Variants in TTN observed in about 807,000 individuals in gnomAD.
TTN encodes the protein connectin.
A neutral mutation model predicts 3,223.0 loss-of-function variants in TTN; 1,525 were observed. That is an observed-to-expected ratio of 0.47 (90% CI 0.45 to 0.49). TTN has a LOEUF of 0.49. Among genes scored for constraint, TTN ranks in the 20% least tolerant of loss-of-function variants. The pLI is 0.00. For missense variants in TTN, 40,786 were observed against 43,424.0 expected (o/e 0.94, Z 5.40); for synonymous variants, 14,094 against 15,161.0 (o/e 0.93, Z 5.17).
In TTN at chr2:178,732,670, C is replaced by T. The variant is rs377023302; in HGVS notation, c.16391G>A (p.Gly5464Asp). The T allele has an allele frequency of 1.9e-6, 3 of 1,606,966 alleles. No homozygotes were observed. The highest frequency in any genetic ancestry group is 2.6e-6 in the Non-Finnish European group (3 of 1,176,418). The part of the protein sequence containing the change: ...TKPGSKDVLP[G>D]SAVCLKSTFQ... Reference sequence around the variant, plus strand: ...AGTGCTCTTCAGGCAGACTGCTGAGCCAGGCAGAACATCCTTTGAGCCGGG... The same window carrying T: ...AGTGCTCTTCAGGCAGACTGCTGAGTCAGGCAGAACATCCTTTGAGCCGGG... Residue 5464 changes from glycine (G) to aspartate (D), a missense_variant, in exon 56 of 363, where the codon GGC becomes GAC. Transcript: ENST00000589042.
rs397517697 is a variant in TTN at position 178,572,020 on chromosome 2, A to T, written c.74112T>A (p.Ser24704Arg). ...EKGISDPRQL[S>R]VPVIAKDLVI... ...CAAGATCTTTGGCGATCACTGGCAC[A>T]CTCAGTTGTCTAGGATCACTGATGC... is the stretch of plus-strand genomic sequence containing the variant. Residue 24704 changes from serine (S) to arginine (R), a missense_variant, in exon 326 of 363, where the codon AGT becomes AGA. Ser to Arg is a moderately radical substitution (Grantham distance 110). Transcript: ENST00000589042. The T allele has an allele frequency of 6.2e-7, 1 of 1,613,092 alleles. No individual in the cohort carries two copies. Among genetic ancestry groups the T allele is most frequent in the African/African-American group, 1.3e-5 (1 of 74,850 alleles).
Position 178,576,055 on chromosome 2 carries a change from T to A in TTN, c.70077A>T (p.Gly23359=). The A allele has an allele frequency of 6.2e-7, 1 of 1,613,508 alleles. No individual in the cohort carries two copies. The highest frequency in any genetic ancestry group is 8.5e-7 in the Non-Finnish European group (1 of 1,179,606). Residue 23359 remains glycine (G), a synonymous_variant, in exon 326 of 363, where the codon GGA becomes GGT. Transcript: ENST00000589042. The surrounding 1 kb of genome is among the most constrained non-coding windows in gnomAD (Gnocchi z 4.3). The part of the protein sequence containing the change: ...ELRRTLVVRA[G]LSIRIFVPIK... The stretch of plus-strand genomic sequence containing the variant: ...TTGGCACAAATATCCTAATACTGAG[T>A]CCTGCTCTAACAACAAGTGTTCTTC...
chr2:178,590,494 G>A lies in TTN; in HGVS notation c.61231C>T (p.Gln20411Ter). Reference sequence around the variant, plus strand: ...TTCCATTGTGCTGTGCCAGGTTTCTGACATTCCACTACATATCCTAGAATG... The same window carrying A: ...TTCCATTGTGCTGTGCCAGGTTTCTAACATTCCACTACATATCCTAGAATG... ...SPILGYVVEC[Q>*]KPGTAQWNRI... Residue 20411 changes from glutamine (Q) to a stop codon, truncating the protein, a stop_gained, in exon 304 of 363, where the codon CAG (glutamine) becomes TAG (stop). Transcript: ENST00000589042. LOFTEE classifies it high-confidence loss of function. 1 of 1,613,044 alleles carries A rather than the reference G, an allele frequency of 6.2e-7. No homozygotes were observed. The highest frequency in any genetic ancestry group is 8.5e-7 in the Non-Finnish European group (1 of 1,179,410).
In TTN at chr2:178,616,946, C is replaced by T. The variant is rs751428690; in HGVS notation, c.47943G>A (p.Thr15981=). The change falls in exon 256 of 363, where the codon ACG becomes ACA. Residue 15981 remains threonine, a synonymous_variant. Transcript: ENST00000589042. ...GLEVIVPNPI[T]ILVPSTGYPR... ...GATAGCCTGTACTTGGAACCAGGAT[C>T]GTGATAGGATTTGGGACAATAACTT... 7 of 1,612,512 alleles carry T rather than the reference C, an allele frequency of 4.3e-6. No individual in the cohort carries two copies. In the South Asian group the frequency reaches 4.4e-5, roughly 10 times the overall value.
rs1419944623 is a variant in TTN at position 178,630,224 on chromosome 2, A to C, written c.44281+17T>G. 6.2e-7 allele frequency: 1 copy of C among 1,611,514 alleles called. No homozygotes were observed. Among genetic ancestry groups the C allele is most frequent in the South Asian group, 1.1e-5 (1 of 90,322 alleles). On this transcript the variant is annotated intron_variant, in intron 239 of 362. Transcript: ENST00000589042. ...AAAGTGTTTATTTAATTTCCCTGAA[A>C]AATATACAATACTTACGCTTAACTC...
chr2:178,658,090 A>C lies in TTN; in HGVS notation c.37779T>G (p.Ala12593=), dbSNP rs373173616. Residue 12593 remains alanine (A), a synonymous_variant, in exon 186 of 363, where the codon GCT becomes GCG. Coordinates refer to ENST00000589042, the MANE Select transcript of TTN (RefSeq NM_001267550.2). Reference sequence around the variant, plus strand: ...GCTAAAGTGTACCTGGGACAATCGGAGCTTCTGGTTTTTTGGGTGGAGCCA... The same window carrying C: ...GCTAAAGTGTACCTGGGACAATCGGCGCTTCTGGTTTTTTGGGTGGAGCCA... ...IPVAPPKKPE[A]PIVPVPEAQE... 2.4e-4 allele frequency: 383 copies of C among 1,572,552 alleles called. 24 individuals carry two copies. The highest frequency in any genetic ancestry group is 3.1e-4 in the Non-Finnish European group (365 of 1,172,132).
Position 178,555,032 on chromosome 2 carries a change from T to C in TTN, c.88427A>G (p.Lys29476Arg). ...GKPAPTIEWYKDDKELQTNAL... is the reference protein window; with the variant it reads ...GKPAPTIEWYRDDKELQTNAL... ...ATTGGTTTGTAATTCTTTATCATCTTTATACCACTCAATAGTAGGCGCAGG... is the reference window on the plus strand; with the variant it reads ...ATTGGTTTGTAATTCTTTATCATCTCTATACCACTCAATAGTAGGCGCAGG... Residue 29476 changes from lysine (K) to arginine (R), a missense_variant, in exon 331 of 363, where the codon AAA (lysine) becomes AGA (arginine). By Grantham distance (26) the Lys-to-Arg change is conservative. Coordinates refer to ENST00000589042, the MANE Select transcript of TTN (RefSeq NM_001267550.2). The C allele has an allele frequency of 6.2e-7, 1 of 1,613,756 alleles. No homozygotes were observed. Among genetic ancestry groups the C allele is most frequent in the Non-Finnish European group, 8.5e-7 (1 of 1,179,822 alleles).
chr2:178,629,474 T>C (rs1347519341), intron 239 of TTN, 31 bp from the exon 240 acceptor site: 1 of 1,611,084 alleles, frequency 6.2e-7, no homozygotes, highest in Non-Finnish European at 8.5e-7. Flanking sequence ...AGCTTTGCGT[T>C]ACTCATTTTG....
rs2078604960 is a variant in TTN, at chr2:178,722,640, A to G, written c.22240+19T>C. ...AGTTAAGGAAAAAAGAATTTTTTTA[A>G]TTTGTAAAATATCATCACCTTGAAT... On this transcript the variant is annotated intron_variant, in intron 76 of 362. Transcript: ENST00000589042. 6.3e-7 allele frequency: 1 copy of G among 1,591,244 alleles called. No individual in the cohort carries two copies. Among genetic ancestry groups the G allele is most frequent in the Non-Finnish European group, 8.5e-7 (1 of 1,170,934 alleles).
chr2:178,630,256 G>A lies in TTN; in HGVS notation c.44266C>T (p.His14756Tyr), dbSNP rs766470098. The A allele has an allele frequency of 6.2e-7, 1 of 1,612,978 alleles. No individual in the cohort carries two copies. Among genetic ancestry groups the A allele is most frequent in the Admixed American group, 1.7e-5 (1 of 59,946 alleles). ...FQAANVKSSA[H>Y]LRVKPRVIGL... ...CAATACTTACGCTTAACTCGGAGGTGGGCACTAGATTTAACATTGGCAGCT... is the reference window on the plus strand; with the variant it reads ...CAATACTTACGCTTAACTCGGAGGTAGGCACTAGATTTAACATTGGCAGCT... The change falls in exon 239 of 363, where the codon CAC becomes TAC. Residue 14756 changes from histidine (H) to tyrosine (Y), a missense_variant. Coordinates refer to ENST00000589042, the MANE Select transcript of TTN (RefSeq NM_001267550.2).
Position 178,616,306 on chromosome 2 carries a change from T to C in TTN, c.48312+173A>G, listed in dbSNP as rs1429095. On this transcript the variant is annotated intron_variant, in intron 257 of 362. Coordinates refer to ENST00000589042, the MANE Select transcript of TTN (RefSeq NM_001267550.2). ...CAATTACAATTATACAATCCTTGGT[T>C]GAGCTACCTCAGGAAGCATTAGCAC... 0.014 allele frequency among the ~76,000 whole-genome samples: 2,146 copies of C among 151,992 alleles called. 47 individuals carry two copies. The highest frequency in any genetic ancestry group is 0.049 in the African/African-American group (2,050 of 41,512).
At chr2:178,614,801 T>A (rs747832900) in intron 260 of TTN, 46 bp downstream of exon 260, 1 of 1,595,708 alleles carries the variant, frequency 6.3e-7, no homozygotes, top group South Asian at 1.1e-5. Context: ...CAAGCAGATT[T>A]AAGGTCAGAG....
intron 69 of TTN, 24 bp from the exon 70 acceptor site, chr2:178,726,070 T>G: frequency 6.7e-7 from 1 of 1,500,590 alleles, no homozygotes; most frequent in Non-Finnish European, 8.9e-7. Flanking sequence ...GAATTTCTCA[T>G]GAATTGGGCT....
intron 330 of TTN, chr2:178,556,209 C>A (rs1469854855): frequency 6.5e-6 from 1 of 152,932 alleles, no homozygotes; most frequent in Non-Finnish European, 1.5e-5. Context: ...GTGGGTGGAT[C>A]ACCTGAGGTC....
intron 46 of TTN, 29 bp from the exon 47 acceptor site, chr2:178,753,209 T>G: frequency 1.3e-6 from 2 of 1,552,244 alleles, no homozygotes; most frequent in African/African-American, 2.7e-5. Flanking sequence ...TAAAGAGATT[T>G]TAGTGATTAA....
rs869312118 is a variant in TTN, at chr2:178,562,617, G to A, written c.83515C>T (p.Arg27839Ter). The A allele has an allele frequency of 6.2e-7, 1 of 1,609,964 alleles. No individual in the cohort carries two copies. Among genetic ancestry groups the A allele is most frequent in the Non-Finnish European group, 8.5e-7 (1 of 1,178,538 alleles). ...NLQEGCSYYF[R>*]VLASNEYGIG... Reference sequence around the variant, plus strand: ...CCATATTCATTGGAAGCCAAGACTCGGAAGTAGTAAGAACATCCTTCTTGT... The same window carrying A: ...CCATATTCATTGGAAGCCAAGACTCAGAAGTAGTAAGAACATCCTTCTTGT... Residue 27839 changes from arginine (R) to a stop codon, truncating the protein, a stop_gained, in exon 326 of 363, where the codon CGA (arginine) becomes TGA (stop). Transcript: ENST00000589042. LOFTEE classifies it high-confidence loss of function.
intron 15 of TTN, among the ~76,000 whole-genome samples, 163 bp downstream of exon 15, chr2:178,785,457 A>G (rs1281234003): frequency 6.6e-6 from 1 of 152,146 alleles, no homozygotes; most frequent in Non-Finnish European, 1.5e-5. Flanking sequence ...AGTTTCAGAA[A>G]CCAAATCTTT....
rs1575659310 is a variant in TTN at position 178,564,454 on chromosome 2, T to C, written c.81678A>G (p.Leu27226=). ...GTCCACTCACTGTAAATTCAGTTTC[T>C]AATACGTTGGTAAAGCTGGCTTTCA... ...RWMKASFTNV[L]ETEFTVSGLV... The change falls in exon 326 of 363, where the codon TTA becomes TTG. Residue 27226 remains leucine, a synonymous_variant. Coordinates refer to ENST00000589042, the MANE Select transcript of TTN (RefSeq NM_001267550.2). 3 of 1,612,414 alleles carry C rather than the reference T, an allele frequency of 1.9e-6. No individual in the cohort carries two copies. Among genetic ancestry groups the C allele is most frequent in the Non-Finnish European group, 2.5e-6 (3 of 1,179,086 alleles).
chr2:178,574,842 C>T lies in TTN; in HGVS notation c.71290G>A (p.Val23764Met), dbSNP rs773302092. The T allele has an allele frequency of 6.2e-7, 1 of 1,613,102 alleles. No homozygotes were observed. Among genetic ancestry groups the T allele is most frequent in the Non-Finnish European group, 8.5e-7 (1 of 1,179,532 alleles). ...GTACTGTCAGTCTGCCGCATTTCCA[C>T]TACATAGTTGCTTATTGGTACACCA... ...DGGVPISNYV[V>M]EMRQTDSTTW... The change falls in exon 326 of 363, where the codon GTG (valine) becomes ATG (methionine). Residue 23764 changes from valine (V) to methionine (M), a missense_variant. Transcript: ENST00000589042.
Sources: gnomAD v4.1 joint callset for allele counts (sites outside exome capture counted in the v4.1 genomes callset) on GRCh38, gnomAD v4.1.1 for gene constraint, Gnocchi (gnomAD v3.1) non-coding constraint, MANE v1.5 for transcripts, NCBI Gene and HGNC (gene_info 2026-07-23, HGNC 2026-07-21) for gene names.